The following RFX3 variants were observed in gnomAD, a reference collection of about 807,000 sequenced individuals.
RFX3 encodes transcription factor RFX3.
Under a neutral mutation model 98.6 loss-of-function variants are expected in RFX3, and 14 were observed. That is an observed-to-expected ratio of 0.14 (90% CI 0.09 to 0.22). The LOEUF (loss-of-function observed/expected upper bound fraction) is 0.22. RFX3 is among the 10% of genes least tolerant of loss of function. The probability of loss-of-function intolerance (pLI) is 1.00; values close to 1 mark genes in which losing one functional copy is unlikely to be tolerated. For missense variants in RFX3, 639 were observed against 926.9 expected (o/e 0.69, Z 4.03); for synonymous variants, 383 against 328.4 (o/e 1.17, Z -1.80).
At chr9:3,379,131 G>A (rs1165764273) in intron 2 of RFX3, among the ~76,000 whole-genome samples, 1 of 152,154 alleles carries the variant, frequency 6.6e-6, no homozygotes, top group African/African-American at 2.4e-5. Context: ...GACTACAGTG[G>A]GAGCAAAGGG....
chr9:3,459,549 C>T (rs781535882), intron 1 of RFX3, among the ~76,000 whole-genome samples: 3 of 151,992 alleles, frequency 2.0e-5, no homozygotes, highest in Non-Finnish European at 4.4e-5. Context: ...TAAAAAGCGA[C>T]CCGAATCAAA....
At chr9:3,517,081 T>C (rs926461584) in intron 1 of RFX3, among the ~76,000 whole-genome samples, 4 of 152,230 alleles carry the variant, frequency 2.6e-5, no homozygotes, top group Admixed American at 1.3e-4. Flanking sequence ...AACAACTTGC[T>C]AGCCTTTGAG....
chr9:3,439,777 C>T (rs1193420668), intron 1 of RFX3, among the ~76,000 whole-genome samples: 3 of 151,942 alleles, frequency 2.0e-5, no homozygotes, highest in Non-Finnish European at 4.4e-5. Context: ...CCAACCTAGG[C>T]TATGAGACCA....
intron 7 of RFX3, among the ~76,000 whole-genome samples, chr9:3,286,406 T>A (rs1310900324): frequency 1.3e-5 from 2 of 151,658 alleles, no homozygotes; most frequent in Admixed American, 1.3e-4. Flanking sequence ...GAATCAGCAA[T>A]AAAAAAATAA....
intron 3 of RFX3, among the ~76,000 whole-genome samples, chr9:3,331,569 T>TTA (rs1491260853): frequency 6.6e-6 from 1 of 152,000 alleles, no homozygotes; most frequent in Admixed American, 6.6e-5. Flanking sequence ...CAGATCTGTC[T>TTA]TATATATATC....
At chr9:3,325,038 T>C (rs1831756423) in intron 4 of RFX3, among the ~76,000 whole-genome samples, 3 of 152,088 alleles carry the variant, frequency 2.0e-5, no homozygotes, top group South Asian at 4.1e-4. Context: ...AGGATGAGAA[T>C]TGGGAAACGG....
At chr9:3,428,762 G>A (rs1844350716) in intron 1 of RFX3, among the ~76,000 whole-genome samples, 1 of 152,002 alleles carries the variant, frequency 6.6e-6, no homozygotes, top group Non-Finnish European at 1.5e-5. Flanking sequence ...AAATGACAAA[G>A]TAAATAAAAG....
chr9:3,297,560 T>C (rs1366691857), intron 5 of RFX3, among the ~76,000 whole-genome samples: 2 of 152,026 alleles, frequency 1.3e-5, no homozygotes, highest in East Asian at 1.9e-4. Context: ...ACATTTGTCA[T>C]TTTTTCCCAG....
intron 12 of RFX3, among the ~76,000 whole-genome samples, chr9:3,265,728 AGT>A (rs1236596082): frequency 6.6e-6 from 1 of 152,146 alleles, no homozygotes; most frequent in African/African-American, 2.4e-5. Context: ...AGCATTCTCC[AGT>A]GTTTAGAAAA....
chr9:3,461,975 T>C (rs781059581), intron 1 of RFX3, among the ~76,000 whole-genome samples: 59 of 152,008 alleles, frequency 3.9e-4, no homozygotes, highest in Non-Finnish European at 5.9e-4. Context: ...AAGAAATAAG[T>C]TGTTTGAGTG....
chr9:3,520,174 A>C (rs988422744), intron 1 of RFX3, among the ~76,000 whole-genome samples: 1 of 152,204 alleles, frequency 6.6e-6, no homozygotes, highest in Non-Finnish European at 1.5e-5. Context: ...TTTTAAAGAA[A>C]AATGCCTAAC....
intron 1 of RFX3, among the ~76,000 whole-genome samples, chr9:3,467,126 G>T (rs191566836): frequency 8.1e-6 from 1 of 123,558 alleles, no homozygotes; most frequent in Admixed American, 8.3e-5. Flanking sequence ...ATACATATAT[G>T]TAAGTATATA....
chr9:3,223,072 C>T lies in RFX3; in HGVS notation c.*1970G>A, dbSNP rs897537613. ...TCACCTCGTCTTTCCAACCCCCCAC[C>T]CCCCTTACCCCAATACCACTGGAAA... is the stretch of plus-strand genomic sequence containing the variant. On this transcript the variant is annotated 3_prime_UTR_variant, in exon 17 of 17. Coordinates refer to ENST00000617270, the MANE Select transcript of RFX3 (RefSeq NM_001282116.2). 1 of 152,026 alleles carries T rather than the reference C, an allele frequency of 6.6e-6. No homozygotes were observed. Among genetic ancestry groups the T allele is most frequent in the Non-Finnish European group, 1.5e-5 (1 of 68,002 alleles). The allele number at this position is 152,026 out of a possible 1,614,324, so 9.4% of individuals were successfully genotyped here.
At chr9:3,387,671 A>T (rs1839865031) in intron 2 of RFX3, among the ~76,000 whole-genome samples, 1 of 152,074 alleles carries the variant, frequency 6.6e-6, no homozygotes, top group Non-Finnish European at 1.5e-5. Context: ...TCATTTTAAA[A>T]TATAACTCAA....
chr9:3,355,916 A>C (rs1835694849), intron 2 of RFX3, among the ~76,000 whole-genome samples: 1 of 151,966 alleles, frequency 6.6e-6, no homozygotes, highest in South Asian at 2.1e-4. Context: ...AAAACGAACA[A>C]TATACTTATT....
In RFX3 at chr9:3,330,536, A is replaced by C; in HGVS notation, c.216-19T>G. ...TGTTCGGCTTTAGAAGAAGAAGAAA[A>C]AAGAAATTTACTAGCTTATTTATGT... On this transcript the variant is annotated intron_variant, in intron 3 of 16. Transcript: ENST00000617270. 1 of 1,581,718 alleles carries C rather than the reference A, an allele frequency of 6.3e-7. No homozygotes were observed. The highest frequency in any genetic ancestry group is 1.1e-5 in the South Asian group (1 of 86,964).
intron 4 of RFX3, among the ~76,000 whole-genome samples, chr9:3,312,573 TAA>T (rs544770386): frequency 3.1e-4 from 41 of 134,196 alleles, no homozygotes; most frequent in Non-Finnish European, 2.4e-4. Flanking sequence ...AATCCTCAAT[TAA>T]AAAAAAAAAA....
At chr9:3,257,585 T>C (rs986714230) in intron 13 of RFX3, among the ~76,000 whole-genome samples, 2 of 152,178 alleles carry the variant, frequency 1.3e-5, no homozygotes, top group African/African-American at 4.8e-5. Context: ...GTCTTTTTGT[T>C]CCCCATCAGA....
intron 1 of RFX3, among the ~76,000 whole-genome samples, chr9:3,480,898 GTAAGTA>G (rs897465802): frequency 2.6e-5 from 4 of 152,060 alleles, no homozygotes; most frequent in Non-Finnish European, 5.9e-5. Context: ...TGACAGGATG[GTAAGTA>G]TAATCAACCT....
Sources: allele counts gnomAD v4.1 joint callset (sites outside exome capture counted in the v4.1 genomes callset), GRCh38; gene constraint gnomAD v4.1.1; transcripts MANE v1.5; gene names NCBI Gene and HGNC (gene_info 2026-07-23, HGNC 2026-07-21).